Variants in SSBP4 observed in about 807,000 individuals in gnomAD.
SSBP4 encodes single stranded DNA binding protein 4, also known as single-stranded DNA-binding protein 4.
SSBP4 carries 33 observed loss-of-function variants against 64.6 expected under a neutral mutation model. The ratio of observed to expected loss-of-function variants is 0.51; its 90% CI spans 0.39 to 0.68. The LOEUF (loss-of-function observed/expected upper bound fraction) is 0.68, where lower values mean the gene tolerates loss of function less well. Ranked by LOEUF, SSBP4 falls within the 30% of genes least tolerant of loss-of-function variation. The pLI is 0.00. For missense variants in SSBP4, 583 were observed against 566.8 expected (o/e 1.03, Z -0.29); for synonymous variants, 243 against 224.0 (o/e 1.08, Z -0.76).
At chr19:18,405,863 C>T in the SSBP4 span, among the ~76,000 whole-genome samples, 2 of 151,918 alleles carry the variant, frequency 1.3e-5, no homozygotes, top group Admixed American at 1.3e-4. Flanking sequence ...TGGTGGCGTG[C>T]GCCTGTAGTC....
the SSBP4 span, among the ~76,000 whole-genome samples, chr19:18,405,081 A>C: frequency 6.7e-6 from 1 of 149,528 alleles, no homozygotes; most frequent in Non-Finnish European, 1.5e-5. Flanking sequence ...ACATTCACCC[A>C]ACACCCTCAG....
In SSBP4 at chr19:18,434,263, G is replaced by C; in HGVS notation, c.*17G>C. ...AGCGTGTGATGGGGCGGCAGCCCCG[G>C]GCCTCTCTGCGGGCCTAGGCTTCTG... is the stretch of plus-strand genomic sequence containing the variant. On this transcript the variant is annotated 3_prime_UTR_variant, in exon 18 of 18. Coordinates refer to ENST00000270061, the MANE Select transcript of SSBP4 (RefSeq NM_032627.5). The C allele has an allele frequency of 3.7e-6, 6 of 1,610,572 alleles. No individual in the cohort carries two copies. The highest frequency in any genetic ancestry group is 5.1e-6 in the Non-Finnish European group (6 of 1,178,972).
At chr19:18,407,290 G>C in the SSBP4 span, among the ~76,000 whole-genome samples, 1 of 151,844 alleles carries the variant, frequency 6.6e-6, no homozygotes, top group Non-Finnish European at 1.5e-5. Flanking sequence ...CTCCCACCTC[G>C]GCCTCCCAGA....
upstream of SSBP4, among the ~76,000 whole-genome samples, chr19:18,417,806 C>T (rs1972181269): frequency 6.6e-6 from 1 of 152,126 alleles, no homozygotes; most frequent in East Asian, 1.9e-4. The surrounding 1 kb of genome is among the most constrained non-coding windows in gnomAD (Gnocchi z 5.4). Context: ...GCCGGTCCTG[C>T]CCTTCCCTTC....
At chr19:18,406,927 G>C in the SSBP4 span, among the ~76,000 whole-genome samples, 2 of 152,158 alleles carry the variant, frequency 1.3e-5, no homozygotes, top group East Asian at 3.8e-4. Flanking sequence ...TTCATCAAAC[G>C]ATGATTGAGG....
In SSBP4 at chr19:18,432,723, C is replaced by T. The variant is rs1039574559; in HGVS notation, c.774C>T (p.Pro258=). The change falls in exon 12 of 18, where the codon CCC becomes CCT. Residue 258 remains proline (P), a synonymous_variant. Transcript: ENST00000270061. ...AGATCCCCTACTCCTCCTCATCCCC[C>T]GGCAGCTACACCGTAAGTCTGAGCA... The part of the protein sequence containing the change: ...GNSIPYSSSS[P]GSYTGPPGGG... 3.1e-6 allele frequency: 5 copies of T among 1,587,828 alleles called. No homozygotes were observed. The highest frequency in any genetic ancestry group is 4.3e-6 in the Non-Finnish European group (5 of 1,162,598).
At chr19:18,404,870 T>C in the SSBP4 span, among the ~76,000 whole-genome samples, 4 of 114,746 alleles carry the variant, frequency 3.5e-5, no homozygotes, top group Non-Finnish European at 4.9e-5. Context: ...CCAGCGCAGG[T>C]AACAGAGCGA....
chr19:18,430,751 C>T, intron 4 of SSBP4, 90 bp from the exon 5 acceptor site: 2 of 1,141,996 alleles, frequency 1.8e-6, no homozygotes, highest in Non-Finnish European at 2.4e-6. Flanking sequence ...TCCCATGGGG[C>T]CGGCCACCTG....
chr19:18,431,978 C>T (rs748476470), intron 8 of SSBP4, 22 bp from the exon 9 acceptor site: 44 of 1,550,782 alleles, frequency 2.8e-5, no homozygotes, highest in Non-Finnish European at 3.7e-5. Context: ...GTCCAAGTCC[C>T]CTTCCTTCTG....
chr19:18,427,891 C>T lies in SSBP4; in HGVS notation c.195-7C>T, dbSNP rs1180223491. ...GTGGAGCAACCATCTTCCCCTTTGG[C>T]CCACAGCGTCTTCTGGGACCTGTAC... On this transcript the variant is annotated splice_polypyrimidine_tract_variant and splice_region_variant and intron_variant, in intron 3 of 17. Transcript: ENST00000270061. The surrounding 1 kb of genome is among the most constrained non-coding windows in gnomAD (Gnocchi z 4.4). The T allele has an allele frequency of 6.2e-7, 1 of 1,614,074 alleles. No individual in the cohort carries two copies. The highest frequency in any genetic ancestry group is 8.5e-7 in the Non-Finnish European group (1 of 1,179,996).
At chr19:18,417,737 G>A (rs947159991), upstream of SSBP4, among the ~76,000 whole-genome samples, 2 of 152,128 alleles carry the variant, frequency 1.3e-5, no homozygotes, top group Non-Finnish European at 2.9e-5. The surrounding 1 kb of genome is among the most constrained non-coding windows in gnomAD (Gnocchi z 5.4). Context: ...ACAGGAAGTG[G>A]GAAGGGCTGG....
intron 8 of SSBP4, 69 bp downstream of exon 8, chr19:18,431,931 G>C: frequency 3.8e-6 from 6 of 1,563,032 alleles, no homozygotes; most frequent in Non-Finnish European, 5.2e-6. Context: ...CCCAGACCTT[G>C]CTGCCTCCCC....
chr19:18,427,924 C>T lies in SSBP4; in HGVS notation c.221C>T (p.Ala74Val), dbSNP rs534402727. The change falls in exon 4 of 18, where the codon GCG becomes GTG. Residue 74 changes from alanine to valine, a missense_variant. Physicochemically the swap from Ala to Val is moderately conservative, Grantham distance 64 (BLOSUM62 0). Coordinates refer to ENST00000270061, the MANE Select transcript of SSBP4 (RefSeq NM_032627.5). The surrounding 1 kb of genome is among the most constrained non-coding windows in gnomAD (Gnocchi z 4.4). ...WCVFWDLYCA[A>V]PDRREACEHS... ...GTCTTCTGGGACCTGTACTGCGCGG[C>T]GCCTGACAGAAGAGAGGCCTGCGAG... 8.1e-6 allele frequency: 13 copies of T among 1,613,764 alleles called. No individual in the cohort carries two copies. The highest frequency in any genetic ancestry group is 5.3e-5 in the African/African-American group (4 of 74,998).
rs1451760314 is a variant in SSBP4, at chr19:18,432,599, A to G, written c.745A>G (p.Asn249Asp). 1.3e-6 allele frequency: 2 copies of G among 1,550,976 alleles called. No homozygotes were observed. The highest frequency in any genetic ancestry group is 1.7e-6 in the Non-Finnish European group (2 of 1,143,144). Residue 249 changes from asparagine (N) to aspartate (D), a missense_variant, in exon 11 of 18, where the codon AAC becomes GAC. Around this residue, in one of 5 missense-constraint regions of SSBP4, gnomAD observed 444 missense variants for 386.6 expected, o/e 1.15. Coordinates refer to ENST00000270061, the MANE Select transcript of SSBP4 (RefSeq NM_032627.5). ...TGGCCCGTGGGCCAGCCCCAGTGGA[A>G]ACTCGGTGAGCCTATGGCTGGGTGG... ...VRGPWASPSGNSIPYSSSSPG... is the reference protein window; with the variant it reads ...VRGPWASPSGDSIPYSSSSPG...
At chr19:18,415,513 A>G (rs1972125012), upstream of SSBP4, among the ~76,000 whole-genome samples, 1 of 152,194 alleles carries the variant, frequency 6.6e-6, no homozygotes, top group Non-Finnish European at 1.5e-5. Flanking sequence ...AATACTGCCA[A>G]GTCCAACTAG....
intron 1 of SSBP4, among the ~76,000 whole-genome samples, chr19:18,420,765 T>C (rs1972396498): frequency 6.8e-6 from 1 of 148,022 alleles, no homozygotes; most frequent in Admixed American, 6.7e-5. Flanking sequence ...GGCAGGAGAA[T>C]CCCTTGAACC....
intron 1 of SSBP4, among the ~76,000 whole-genome samples, chr19:18,422,018 G>A (rs567938548): frequency 6.6e-6 from 1 of 152,194 alleles, no homozygotes; most frequent in South Asian, 2.1e-4. Context: ...AAAATTAGCC[G>A]GGCATGGTGG....
chr19:18,407,298 A>T, the SSBP4 span, among the ~76,000 whole-genome samples: 2 of 152,072 alleles, frequency 1.3e-5, no homozygotes, highest in African/African-American at 4.8e-5. Flanking sequence ...TCGGCCTCCC[A>T]GAGTGCTGGG....
chr19:18,414,691 G>T (rs1277978301), upstream of SSBP4, among the ~76,000 whole-genome samples: 1 of 152,224 alleles, frequency 6.6e-6, no homozygotes, highest in Non-Finnish European at 1.5e-5. Flanking sequence ...GTTAAGCTTT[G>T]TGGAGGACGG....
Sources: allele counts gnomAD v4.1 joint callset (sites outside exome capture counted in the v4.1 genomes callset), GRCh38; gene constraint gnomAD v4.1.1; regional missense constraint gnomAD v4.1.1; non-coding constraint Gnocchi (gnomAD v3.1); transcripts MANE v1.5; gene names NCBI Gene and HGNC (gene_info 2026-07-23, HGNC 2026-07-21).